The following GAL3ST2 variants were observed in gnomAD, a reference collection of about 807,000 sequenced individuals.
GAL3ST2 encodes the protein beta-galactose-3-O-sulfotransferase 2.
In GAL3ST2, 16 loss-of-function variants were observed where a neutral mutation model predicts 12.9. The ratio of observed to expected loss-of-function variants is 1.24; its 90% CI spans 0.84 to 1.88. The LOEUF (loss-of-function observed/expected upper bound fraction) is 1.88, where lower values mean the gene tolerates loss of function less well. Among genes scored for constraint, GAL3ST2 ranks in the 40% most tolerant of loss-of-function variants. The pLI is 0.00. For synonymous variants in GAL3ST2, 302 were observed against 273.9 expected, an observed-to-expected ratio of 1.10 and a Z score of -1.01; for missense variants, 639 against 571.8, an observed-to-expected ratio of 1.12 and a Z score of -1.20.
rs777090758 is a variant in GAL3ST2 at position 241,795,512 on chromosome 2, C to T, written c.30-3553C>T. Among the ~76,000 whole-genome samples, 21 of 152,180 alleles carry T rather than the reference C, an allele frequency of 1.4e-4. No individual in the cohort carries two copies. The highest frequency in any genetic ancestry group is 2.1e-4 in the Non-Finnish European group (14 of 68,026). On this transcript the variant is annotated intron_variant, in intron 1 of 3. Transcript: ENST00000192314. This position sits in a 1 kb window ranked among gnomAD's most constrained non-coding sequence, Gnocchi z 4.5. ...TGTTTGAGGAAGGAGTTGACTATGG[C>T]GGAACGAAGTGATGGCCAAGGGTGG... is the stretch of plus-strand genomic sequence containing the variant.
rs1559418044 is a variant in GAL3ST2, at chr2:241,800,347, G to GGAGCACAGCCGCCGACCCAGGCTGT, written c.119+1197_119+1198insACAGCCGCCGACCCAGGCTGTGAGC. Among the ~76,000 whole-genome samples the GGAGCACAGCCGCCGACCCAGGCTGT allele has an allele frequency of 8.0e-5, 12 of 150,514 alleles. No homozygotes were observed. Among genetic ancestry groups the GGAGCACAGCCGCCGACCCAGGCTGT allele is most frequent in the African/African-American group, 2.2e-4 (9 of 40,636 alleles). On this transcript the variant is annotated intron_variant, in intron 2 of 3. Coordinates refer to ENST00000192314, the MANE Select transcript of GAL3ST2 (RefSeq NM_022134.3). This position sits in a 1 kb window ranked among gnomAD's most constrained non-coding sequence, Gnocchi z 5.2. ...GGAGCACAGCCGCCGACCCAGGCTG[G>GGAGCACAGCCGCCGACCCAGGCTGT]GAGCGGGCACTTCGAGGGAGGGGGT...
chr2:241,787,540 CTT>C (rs1553615866), intron 1 of GAL3ST2, among the ~76,000 whole-genome samples: 33 of 136,230 alleles, frequency 2.4e-4, no homozygotes, highest in Admixed American at 2.9e-4. Flanking sequence ...ACTTCTCCTC[CTT>C]TTTTTTTTTT....
rs528650304 is a variant in GAL3ST2, at chr2:241,793,100, C to T, written c.30-5965C>T. 1.4e-3 allele frequency among the ~76,000 whole-genome samples: 219 copies of T among 152,300 alleles called. 1 individual carries two copies. Among genetic ancestry groups the T allele is most frequent in the African/African-American group, 5.1e-3 (211 of 41,548 alleles). On this transcript the variant is annotated intron_variant, in intron 1 of 3. Coordinates refer to ENST00000192314, the MANE Select transcript of GAL3ST2 (RefSeq NM_022134.3). The surrounding 1 kb of genome is among the most constrained non-coding windows in gnomAD (Gnocchi z 4.7). ...TACAATGTATAAAGCCAGACTGTGC[C>T]CTGACCACCTTGGGCACACGTCATC...
Position 241,778,780 on chromosome 2 carries a change from G to C in GAL3ST2, c.29+1796G>C, listed in dbSNP as rs1369052651. On this transcript the variant is annotated intron_variant, in intron 1 of 3. Transcript: ENST00000192314. ...AGACATCAGTCCGCATATGCAGGAC[G>C]AACATTGGTTCGGTCTGGAGAGGCA... is the stretch of plus-strand genomic sequence containing the variant. Among the ~76,000 whole-genome samples the C allele has an allele frequency of 2.0e-5, 3 of 152,118 alleles. No homozygotes were observed. In the South Asian group the frequency reaches 6.2e-4, roughly 32 times the overall value.
At position 241,804,138 on chromosome 2, in the gene GAL3ST2, T is replaced by A; in HGVS notation, c.1169T>A (p.Leu390His). ...LYALQFPEKP[L>H]KNIPFLGA ...GCCCTGCAGTTCCCGGAGAAGCCCC[T>A]CAAGAACATCCCGTTCCTGGGGGCG... Residue 390 changes from leucine (L) to histidine (H), a missense_variant, in exon 4 of 4, where the codon CTC becomes CAC. Physicochemically the swap from Leu to His is moderately conservative, Grantham distance 99. Coordinates refer to ENST00000192314, the MANE Select transcript of GAL3ST2 (RefSeq NM_022134.3). The A allele has an allele frequency of 1.4e-6, 2 of 1,472,428 alleles. No homozygotes were observed. Among genetic ancestry groups the A allele is most frequent in the Non-Finnish European group, 1.8e-6 (2 of 1,106,946 alleles). The allele number at this position is 1,472,428 out of a possible 1,614,324, so 91.2% of individuals were successfully genotyped here.
intron 1 of GAL3ST2, 95 bp downstream of exon 1, chr2:241,777,079 A>T: frequency 9.0e-7 from 1 of 1,111,826 alleles, no homozygotes; most frequent in Non-Finnish European, 1.2e-6. Context: ...TGTCTTTCGA[A>T]GGAAGTGACT....
chr2:241,791,233 C>T (rs1202195238), intron 1 of GAL3ST2, among the ~76,000 whole-genome samples: 1 of 152,166 alleles, frequency 6.6e-6, no homozygotes, highest in East Asian at 1.9e-4. Context: ...TTTTTGTCGA[C>T]ACTCTCTACC....
At chr2:241,779,507 A>C (rs1219108785) in intron 1 of GAL3ST2, among the ~76,000 whole-genome samples, 1 of 150,376 alleles carries the variant, frequency 6.6e-6, no homozygotes, top group East Asian at 2.0e-4. Flanking sequence ...TGCTGGGATT[A>C]CAGGCGTGAG....
intron 1 of GAL3ST2, among the ~76,000 whole-genome samples, chr2:241,788,154 C>T (rs191638884): frequency 3.9e-5 from 6 of 152,242 alleles, no homozygotes; most frequent in Admixed American, 1.3e-4. Flanking sequence ...CACCACTCAC[C>T]GCTTTTGGGG....
chr2:241,776,964 C>T lies in GAL3ST2; in HGVS notation c.9C>T (p.Ser3=). ...GGAGGCCAGAGGCCAAGATGATGTC[C>T]ATGCTGGGCGGCTTGCAGAGGTAAG... is the stretch of plus-strand genomic sequence containing the variant. The part of the protein sequence containing the change: MM[S]MLGGLQRYFR... Residue 3 remains serine (S), a synonymous_variant, in exon 1 of 4, where the codon TCC becomes TCT. Coordinates refer to ENST00000192314, the MANE Select transcript of GAL3ST2 (RefSeq NM_022134.3). 1 of 1,554,494 alleles carries T rather than the reference C, an allele frequency of 6.4e-7. No individual in the cohort carries two copies. Among genetic ancestry groups the T allele is most frequent in the Non-Finnish European group, 8.7e-7 (1 of 1,146,212 alleles).
rs550436685 is a variant in GAL3ST2 at position 241,799,010 on chromosome 2, G to C, written c.30-55G>C. The C allele has an allele frequency of 4.3e-5, 60 of 1,396,762 alleles. No homozygotes were observed. In the African/African-American group the frequency reaches 7.2e-4, roughly 17 times the overall value. The allele number at this position is 1,396,762 out of a possible 1,614,324, so 86.5% of individuals were successfully genotyped here. ...TGGACTTGGCTGCAGGATGGGAGGT[G>C]GGGGTGGGGCTGGCACGACCCGGAC... On this transcript the variant is annotated intron_variant, in intron 1 of 3. Transcript: ENST00000192314.
chr2:241,796,651 G>C (rs1011276292), intron 1 of GAL3ST2, among the ~76,000 whole-genome samples: 1 of 152,172 alleles, frequency 6.6e-6, no homozygotes, highest in Non-Finnish European at 1.5e-5. Flanking sequence ...CCTGATGGCC[G>C]GGGGGAGCAG....
chr2:241,779,068 TC>T (rs1699529595), intron 1 of GAL3ST2, among the ~76,000 whole-genome samples: 2 of 150,864 alleles, frequency 1.3e-5, no homozygotes, highest in African/African-American at 4.9e-5. Context: ...CTTTCACATT[TC>T]CCCCCATTTT....
rs1699891906 is a variant in GAL3ST2 at position 241,803,774 on chromosome 2, C to T, written c.805C>T (p.Arg269Trp). The change falls in exon 4 of 4, where the codon CGG (arginine) becomes TGG (tryptophan). Residue 269 changes from arginine to tryptophan, a missense_variant. Coordinates refer to ENST00000192314, the MANE Select transcript of GAL3ST2 (RefSeq NM_022134.3). ...RSVARLSPET[R>W]ERARSWCALD... ...CGTGGCCCGCCTGTCGCCCGAGACC[C>T]GGGAGCGCGCGCGGAGCTGGTGCGC... 1 of 1,506,250 alleles carries T rather than the reference C, an allele frequency of 6.6e-7. No individual in the cohort carries two copies. The highest frequency in any genetic ancestry group is 8.8e-7 in the Non-Finnish European group (1 of 1,133,978). The allele number at this position is 1,506,250 out of a possible 1,614,324, so 93.3% of individuals were successfully genotyped here.
chr2:241,782,204 T>C (rs1699574873), intron 1 of GAL3ST2, among the ~76,000 whole-genome samples: 1 of 152,264 alleles, frequency 6.6e-6, no homozygotes, highest in African/African-American at 2.4e-5. Context: ...GATTAATTTA[T>C]AGAGAAACAA....
Position 241,804,013 on chromosome 2 carries a change from C to G in GAL3ST2, c.1044C>G (p.Asp348Glu). ...RLRPYQSGKA[D>E]ILGYNLRPGL... ...GCCCCTACCAGTCCGGCAAGGCCGACATCCTGGGTTACAACCTCCGGCCGG... is the reference window on the plus strand; with the variant it reads ...GCCCCTACCAGTCCGGCAAGGCCGAGATCCTGGGTTACAACCTCCGGCCGG... Residue 348 changes from aspartate to glutamate, a missense_variant, in exon 4 of 4, where the codon GAC (aspartate) becomes GAG (glutamate). Asp to Glu is a conservative substitution (Grantham distance 45). Transcript: ENST00000192314. 1 of 1,568,586 alleles carries G rather than the reference C, an allele frequency of 6.4e-7. No homozygotes were observed. Among genetic ancestry groups the G allele is most frequent in the Non-Finnish European group, 8.6e-7 (1 of 1,159,842 alleles).
intron 1 of GAL3ST2, among the ~76,000 whole-genome samples, chr2:241,784,286 G>C (rs1699602194): frequency 6.6e-6 from 1 of 152,126 alleles, no homozygotes; most frequent in South Asian, 2.1e-4. Flanking sequence ...ACCTGCCTCG[G>C]CCTCCCAAAG....
chr2:241,787,927 G>T (rs1575363106), intron 1 of GAL3ST2, among the ~76,000 whole-genome samples: 1 of 152,142 alleles, frequency 6.6e-6, no homozygotes, highest in South Asian at 2.1e-4. Context: ...GGGTAACAAG[G>T]CCTCTCTAAT....
At position 241,803,701 on chromosome 2, in the gene GAL3ST2, G is replaced by A. The variant is rs2125199111; in HGVS notation, c.732G>A (p.Ala244=). 7 of 1,544,904 alleles carry A rather than the reference G, an allele frequency of 4.5e-6. No individual in the cohort carries two copies. Among genetic ancestry groups the A allele is most frequent in the Non-Finnish European group, 6.1e-6 (7 of 1,144,240 alleles). Residue 244 remains alanine (A), a synonymous_variant, in exon 4 of 4, where the codon GCG becomes GCA. Coordinates refer to ENST00000192314, the MANE Select transcript of GAL3ST2 (RefSeq NM_022134.3). Reference sequence around the variant, plus strand: ...TGCTGCGGCGCCGGCTGCGCTGGGCGCTGGACGACGTGGTGGCCTTCAGGC... The same window carrying A: ...TGCTGCGGCGCCGGCTGCGCTGGGCACTGGACGACGTGGTGGCCTTCAGGC... ...LVLLRRRLRW[A]LDDVVAFRLN...
Sources: gnomAD v4.1 joint callset for allele counts (sites outside exome capture counted in the v4.1 genomes callset) on GRCh38, gnomAD v4.1.1 for gene constraint, Gnocchi (gnomAD v3.1) non-coding constraint, MANE v1.5 for transcripts, NCBI Gene and HGNC (gene_info 2026-07-23, HGNC 2026-07-21) for gene names.